Variants in BPIFB1 observed in about 807,000 individuals in gnomAD.
BPIFB1 encodes the protein BPI fold-containing family B member 1.
Under a neutral mutation model 55.1 loss-of-function variants are expected in BPIFB1, and 34 were observed. That is an observed-to-expected ratio of 0.62 (90% CI 0.47 to 0.82). The LOEUF (loss-of-function observed/expected upper bound fraction) is 0.82, where lower values mean the gene tolerates loss of function less well. BPIFB1 is among the 40% of genes least tolerant of loss of function. The pLI, the probability that BPIFB1 is intolerant of heterozygous loss-of-function variation, is 0.00. For synonymous variants in BPIFB1, 236 were observed against 245.3 expected, an observed-to-expected ratio of 0.96 and a Z score of 0.35; for missense variants, 532 against 593.1, an observed-to-expected ratio of 0.90 and a Z score of 1.07.
chr20:33,301,586 G>A (rs76426287), intron 9 of BPIFB1, among the ~76,000 whole-genome samples, 174 bp downstream of exon 9: 18 of 152,168 alleles, frequency 1.2e-4, no homozygotes, highest in Admixed American at 7.2e-4. Context: ...AAATCCTCCC[G>A]GTAACATCCA....
chr20:33,303,959 A>T lies in BPIFB1; in HGVS notation c.1142A>T (p.Glu381Val). The change falls in exon 12 of 16, where the codon GAA becomes GTA. Residue 381 changes from glutamate to valine, a missense_variant and splice_region_variant. Transcript: ENST00000253354. ...GGGCCTGGGCTTCTCTTGTTGCAGGAAGCCAGCTCGGAAGCTCAGTTTTAC... is the reference window on the plus strand; with the variant it reads ...GGGCCTGGGCTTCTCTTGTTGCAGGTAGCCAGCTCGGAAGCTCAGTTTTAC... ...ALRPLFTLGI[E>V]ASSEAQFYTK... 1 of 1,614,002 alleles carries T rather than the reference A, an allele frequency of 6.2e-7. No homozygotes were observed.
At chr20:33,300,120 T>A in intron 8 of BPIFB1, 136 bp downstream of exon 8, 1 of 747,064 alleles carries the variant, frequency 1.3e-6, no homozygotes, top group South Asian at 1.6e-5. Flanking sequence ...TCTAGAAAAA[T>A]CACTGCAGGC....
At position 33,302,397 on chromosome 20, in the gene BPIFB1, G is replaced by T. The variant is rs774641798; in HGVS notation, c.966G>T (p.Gly322=). Residue 322 remains glycine, a synonymous_variant, in exon 10 of 16, where the codon GGG becomes GGT. Coordinates refer to ENST00000253354, the MANE Select transcript of BPIFB1 (RefSeq NM_033197.3). ...ESAHRLKSSI[G]LINEKAADKL... ...CCCATCGGCTGAAGTCAAGCATCGG[G>T]CTGATCAATGAAAAGGTTGGTCTGT... 3 of 1,613,960 alleles carry T rather than the reference G, an allele frequency of 1.9e-6. No homozygotes were observed. The highest frequency in any genetic ancestry group is 2.2e-5 in the South Asian group (2 of 91,072).
chr20:33,290,683 G>A (rs1210485930), intron 4 of BPIFB1, among the ~76,000 whole-genome samples: 1 of 152,330 alleles, frequency 6.6e-6, no homozygotes. Flanking sequence ...CCAGTCCAGT[G>A]TTGCATGCGC....
chr20:33,304,576 G>A (rs1465950349), intron 12 of BPIFB1, among the ~76,000 whole-genome samples: 1 of 152,212 alleles, frequency 6.6e-6, no homozygotes, highest in Admixed American at 6.5e-5. Context: ...CTTTGAAGGA[G>A]CTTGGGCCTC....
chr20:33,299,539 C>T (rs1980777570), intron 7 of BPIFB1, among the ~76,000 whole-genome samples: 1 of 152,150 alleles, frequency 6.6e-6, no homozygotes, highest in Non-Finnish European at 1.5e-5. Flanking sequence ...CGTTCCAAAC[C>T]GGGACTTTGG....
At chr20:33,287,184 G>C (rs1381872255) in intron 2 of BPIFB1, among the ~76,000 whole-genome samples, 1 of 152,236 alleles carries the variant, frequency 6.6e-6, no homozygotes, top group Admixed American at 6.5e-5. Flanking sequence ...AAGGAGCTTA[G>C]AGATGAACAA....
Position 33,301,321 on chromosome 20 carries a change from C to A in BPIFB1, c.836C>A (p.Pro279Gln). 6.2e-7 allele frequency: 1 copy of A among 1,614,206 alleles called. No homozygotes were observed. The highest frequency in any genetic ancestry group is 8.5e-7 in the Non-Finnish European group (1 of 1,180,036). Residue 279 changes from proline to glutamine, a missense_variant, in exon 9 of 16, where the codon CCG (proline) becomes CAG (glutamine). By Grantham distance (76) the Pro-to-Gln change is moderately conservative (BLOSUM62 -1). Transcript: ENST00000253354. The stretch of plus-strand genomic sequence containing the variant: ...ACAATGCCCACCCTGGACAACATCC[C>A]GTTCAGCCTCATCGTGAGTCAGGAC... The part of the protein sequence containing the change: ...SLTMPTLDNI[P>Q]FSLIVSQDVV...
intron 6 of BPIFB1, among the ~76,000 whole-genome samples, chr20:33,296,494 C>T (rs1303968246): frequency 6.6e-6 from 1 of 152,200 alleles, no homozygotes; most frequent in African/African-American, 2.4e-5. Flanking sequence ...TTGACCTTCT[C>T]CCTAAGCAGA....
At position 33,299,216 on chromosome 20, in the gene BPIFB1, C is replaced by T. The variant is rs1177523829; in HGVS notation, c.662-683C>T. The T allele has an allele frequency of 1.1e-5, 5 of 454,842 alleles. No homozygotes were observed. In the Admixed American group the frequency reaches 1.2e-4, roughly 11 times the overall value. The allele number at this position is 454,842 out of a possible 1,614,324, so 28.2% of individuals were successfully genotyped here. A position where few individuals can be genotyped will look rare whatever the true frequency, so the allele number is the denominator to read the frequency against. Reference sequence around the variant, plus strand: ...CTGCCCCGAGGACGGGCCCGGAGGTCTCCCTGGAGCGGTAGGCGGCCGGTC... The same window carrying T: ...CTGCCCCGAGGACGGGCCCGGAGGTTTCCCTGGAGCGGTAGGCGGCCGGTC... On this transcript the variant is annotated intron_variant, in intron 7 of 15. Transcript: ENST00000253354.
At chr20:33,286,368 G>A (rs913711804) in intron 2 of BPIFB1, among the ~76,000 whole-genome samples, 180 bp downstream of exon 2, 20 of 152,168 alleles carry the variant, frequency 1.3e-4, no homozygotes, top group African/African-American at 4.3e-4. Flanking sequence ...AAGAGTCCAC[G>A]ATTCCAAGAA....
rs752092361 is a variant in BPIFB1 at position 33,309,686 on chromosome 20, G to A, written c.1396-22G>A. On this transcript the variant is annotated intron_variant, in intron 15 of 15. Transcript: ENST00000253354. This position sits in a 1 kb window ranked among gnomAD's most constrained non-coding sequence, Gnocchi z 4.4. Reference sequence around the variant, plus strand: ...AAAAGGTTAAAGAAACCTGTTTTCTGACTTTTCCCCTCCAATTCCAGGATG... The same window carrying A: ...AAAAGGTTAAAGAAACCTGTTTTCTAACTTTTCCCCTCCAATTCCAGGATG... 3 of 1,613,182 alleles carry A rather than the reference G, an allele frequency of 1.9e-6. No homozygotes were observed. Among genetic ancestry groups the A allele is most frequent in the African/African-American group, 1.3e-5 (1 of 75,012 alleles).
intron 15 of BPIFB1, chr20:33,307,210 GTCATTCAT>G (rs141478347): frequency 0.014 from 7,174 of 523,262 alleles, 347 homozygotes; most frequent in African/African-American, 0.11. Context: ...CCACCCCCTT[GTCATTCAT>G]TCATTCATTC....
At chr20:33,304,919 G>A (rs752636574) in intron 13 of BPIFB1, 28 bp downstream of exon 13, 3 of 1,612,106 alleles carry the variant, frequency 1.9e-6, no homozygotes, top group Non-Finnish European at 2.5e-6. Context: ...GTGCCTGAGG[G>A]CACAGGGGGT....
intron 9 of BPIFB1, 66 bp downstream of exon 9, chr20:33,301,478 AG>A: frequency 1.3e-6 from 2 of 1,493,232 alleles, no homozygotes; most frequent in Non-Finnish European, 1.8e-6. Flanking sequence ...TCCTGAACAC[AG>A]GGTGCCCCTA....
rs1166296977 is a variant in BPIFB1, at chr20:33,305,356, C to T, written c.1254+465C>T. On this transcript the variant is annotated intron_variant, in intron 13 of 15. Coordinates refer to ENST00000253354, the MANE Select transcript of BPIFB1 (RefSeq NM_033197.3). ...TTTTTGAGATGGAGTCTCGCTCTGT[C>T]GCCCAGGCTGGAGAGCAGTGGTGTG... 6.3e-5 allele frequency among the ~76,000 whole-genome samples: 8 copies of T among 127,718 alleles called. No homozygotes were observed. In the East Asian group the frequency reaches 1.2e-3, roughly 19 times the overall value. 83.8% of individuals were successfully genotyped at this position (127,718 alleles called of 152,430 possible).
At chr20:33,297,000 T>G (rs1185971072) in intron 6 of BPIFB1, among the ~76,000 whole-genome samples, 10 of 152,250 alleles carry the variant, frequency 6.6e-5, no homozygotes, top group Non-Finnish European at 5.9e-5. Flanking sequence ...TCCAGCTCAC[T>G]GCAACCTCCA....
At chr20:33,299,378 A>G (rs1388538340) in intron 7 of BPIFB1, among the ~76,000 whole-genome samples, 1 of 152,238 alleles carries the variant, frequency 6.6e-6, no homozygotes, top group Non-Finnish European at 1.5e-5. Context: ...TTTGGATTTC[A>G]GAGTAGATGT....
At chr20:33,290,570 A>C (rs1321922472) in intron 4 of BPIFB1, among the ~76,000 whole-genome samples, 1 of 152,070 alleles carries the variant, frequency 6.6e-6, no homozygotes, top group Non-Finnish European at 1.5e-5. Flanking sequence ...AAAGAGAGAG[A>C]AGTCAACGAT....
Sources: allele counts gnomAD v4.1 joint callset (sites outside exome capture counted in the v4.1 genomes callset), GRCh38; gene constraint gnomAD v4.1.1; non-coding constraint Gnocchi (gnomAD v3.1); transcripts MANE v1.5; gene names NCBI Gene and HGNC (gene_info 2026-07-23, HGNC 2026-07-21).